The following NLRP9 variants were observed in gnomAD, a reference collection of about 807,000 sequenced individuals.
NLRP9 encodes NACHT, LRR and PYD domains-containing protein 9.
Under a neutral mutation model 83.1 loss-of-function variants are expected in NLRP9, and 88 were observed. The observed-to-expected ratio is 1.06, with a 90% CI of 0.89 to 1.26. NLRP9 has a LOEUF of 1.26. Ranked by LOEUF, NLRP9 falls within the 50% of genes most tolerant of loss-of-function variation. The pLI, the probability that NLRP9 is intolerant of heterozygous loss-of-function variation, is 0.00. For synonymous variants in NLRP9, 521 were observed against 447.6 expected (o/e 1.16, Z -2.07); for missense variants, 1,308 against 1,179.3 (o/e 1.11, Z -1.60).
At chr19:55,720,601 A>G (rs1988194375) in intron 4 of NLRP9, among the ~76,000 whole-genome samples, 2 of 152,330 alleles carry the variant, frequency 1.3e-5, no homozygotes, top group South Asian at 4.1e-4. Flanking sequence ...AACTGCTGGG[A>G]TCACAGGCAT....
intron 6 of NLRP9, among the ~76,000 whole-genome samples, chr19:55,713,425 C>A (rs1166876634): frequency 6.6e-6 from 1 of 151,774 alleles, no homozygotes; most frequent in Non-Finnish European, 1.5e-5. Flanking sequence ...TCTACCCACA[C>A]TCACACATAT....
chr19:55,736,782 C>T (rs543856530), intron 1 of NLRP9, among the ~76,000 whole-genome samples: 8 of 151,206 alleles, frequency 5.3e-5, no homozygotes, highest in Non-Finnish European at 8.9e-5. Context: ...TGCAGTGAAC[C>T]GAGATCATGT....
At chr19:55,713,164 C>T (rs542857191) in intron 6 of NLRP9, among the ~76,000 whole-genome samples, 3 of 151,350 alleles carry the variant, frequency 2.0e-5, no homozygotes, top group South Asian at 2.1e-4. Context: ...CTCCTCCCCA[C>T]CTTCAAATCC....
At chr19:55,710,797 C>A (rs937210489) in intron 8 of NLRP9, among the ~76,000 whole-genome samples, 2 of 152,100 alleles carry the variant, frequency 1.3e-5, no homozygotes, top group African/African-American at 4.8e-5. Flanking sequence ...TATAAGTTAC[C>A]AGTCTCTGCC....
rs779174353 is a variant in NLRP9 at position 55,732,583 on chromosome 19, C to A, written c.1248G>T (p.Arg416=). ...YTFVFSHGDL[R]RNGLSESEGV... Reference sequence around the variant, plus strand: ...CCTCAGACTCAGATAACCCATTCCTCCGGAGATCCCCATGGGAAAATACAA... The same window carrying A: ...CCTCAGACTCAGATAACCCATTCCTACGGAGATCCCCATGGGAAAATACAA... Residue 416 remains arginine (R), a synonymous_variant, in exon 2 of 9, where the codon CGG becomes CGT. Transcript: ENST00000332836. 4.3e-6 allele frequency: 7 copies of A among 1,614,204 alleles called. No homozygotes were observed. The highest frequency in any genetic ancestry group is 5.9e-6 in the Non-Finnish European group (7 of 1,180,030).
Position 55,738,143 on chromosome 19 carries a change from G to A in NLRP9, c.232C>T (p.Gln78Ter). The A allele has an allele frequency of 6.2e-7, 1 of 1,614,112 alleles. No individual in the cohort carries two copies. Among genetic ancestry groups the A allele is most frequent in the Non-Finnish European group, 8.5e-7 (1 of 1,179,988 alleles). Reference protein sequence around the residue: ...AWEVTLNLFLQINRKDLWTKA... With the variant: ...AWEVTLNLFL ...GTCCAGAGATCTTTCCTATTGATCT[G>A]TAGAAACAGGTTCAGTGTTACCTCC... is the stretch of plus-strand genomic sequence containing the variant. The change falls in exon 1 of 9, where the codon CAG becomes TAG. Residue 78 changes from glutamine (Q) to a stop codon, truncating the protein, a stop_gained. Transcript: ENST00000332836. LOFTEE classifies it high-confidence loss of function.
chr19:55,717,102 C>T (rs1178253861), intron 4 of NLRP9, among the ~76,000 whole-genome samples: 2 of 148,358 alleles, frequency 1.3e-5, no homozygotes, highest in South Asian at 2.1e-4. Context: ...GGTGCGATCT[C>T]GGCTCACCGC....
intron 6 of NLRP9, among the ~76,000 whole-genome samples, chr19:55,713,060 T>C (rs1189586135): frequency 6.8e-6 from 1 of 147,792 alleles, no homozygotes; most frequent in Non-Finnish European, 1.5e-5. Flanking sequence ...GTCCCTGCAC[T>C]TCTTCTCTCC....
intron 7 of NLRP9, 145 bp downstream of exon 7, chr19:55,712,275 A>G: frequency 1.4e-6 from 1 of 728,264 alleles, no homozygotes; most frequent in African/African-American, 1.8e-5. Flanking sequence ...AGACTGAGCA[A>G]ACCCTGGGGC....
At chr19:55,733,919 A>AATTTTTTTTTTTTTTTTTT (rs1555796186) in intron 1 of NLRP9, among the ~76,000 whole-genome samples, 19 of 117,872 alleles carry the variant, frequency 1.6e-4, no homozygotes, top group African/African-American at 6.8e-4. Context: ...TGTCAACCAA[A>AATTTTTTTTTTTTTTTTTT]TTTTTTTTTT....
chr19:55,713,515 G>C (rs1204750239), intron 6 of NLRP9, among the ~76,000 whole-genome samples: 1 of 150,320 alleles, frequency 6.7e-6, no homozygotes, highest in Admixed American at 6.6e-5. Context: ...GAGGACACTG[G>C]TAGTGTCTGG....
At chr19:55,728,896 T>G (rs1988478422) in intron 3 of NLRP9, among the ~76,000 whole-genome samples, 1 of 152,078 alleles carries the variant, frequency 6.6e-6, no homozygotes, top group Admixed American at 6.6e-5. Flanking sequence ...AAGTAAAATA[T>G]CAGGGAACAA....
chr19:55,715,130 T>C lies in NLRP9; in HGVS notation c.2426A>G (p.Asn809Ser), dbSNP rs758370747. The change falls in exon 6 of 9, where the codon AAT becomes AGT. Residue 809 changes from asparagine (N) to serine (S), a missense_variant. Asn to Ser is a conservative substitution (Grantham distance 46). Coordinates refer to ENST00000332836, the MANE Select transcript of NLRP9 (RefSeq NM_176820.4). ...KSLSLLDLGS[N>S]ALEDNGVASL... Reference sequence around the variant, plus strand: ...TGCCACTCCATTATCTTCCAGGGCATTTGAGCCCAGATCGAGGAGGGACAG... The same window carrying C: ...TGCCACTCCATTATCTTCCAGGGCACTTGAGCCCAGATCGAGGAGGGACAG... 15 of 1,613,114 alleles carry C rather than the reference T, an allele frequency of 9.3e-6. No individual in the cohort carries two copies. The highest frequency in any genetic ancestry group is 5.0e-5 in the Admixed American group (3 of 59,978).
chr19:55,731,986 TAGAC>T lies in NLRP9; in HGVS notation c.1832+9_1832+12del, dbSNP rs746730115. The T allele has an allele frequency of 8.0e-6, 12 of 1,503,462 alleles. No individual in the cohort carries two copies. Among genetic ancestry groups the T allele is most frequent in the African/African-American group, 4.2e-5 (3 of 71,662 alleles). 93.1% of individuals were successfully genotyped at this position (1,503,462 alleles called of 1,614,324 possible). A position where few individuals can be genotyped will look rare whatever the true frequency, so the allele number is the denominator to read the frequency against. On this transcript the variant is annotated intron_variant, in intron 2 of 8. Transcript: ENST00000332836. ...TGTAGTGTGTGGGACGGGGGATTAA[TAGAC>T]AGACTCACTCTGAGATGCATCCTGA...
intron 3 of NLRP9, among the ~76,000 whole-genome samples, chr19:55,728,410 A>G (rs1296037011): frequency 6.6e-6 from 1 of 152,126 alleles, no homozygotes; most frequent in Non-Finnish European, 1.5e-5. Flanking sequence ...CCCCGTCTCT[A>G]CTAATACAAA....
rs1568589522 is a variant in NLRP9 at position 55,709,056 on chromosome 19, G to A, written c.2844-12C>T. On this transcript the variant is annotated splice_polypyrimidine_tract_variant and intron_variant, in intron 8 of 8. Coordinates refer to ENST00000332836, the MANE Select transcript of NLRP9 (RefSeq NM_176820.4). Reference sequence around the variant, plus strand: ...CAGATTTGTGCAGCCTGGGAAAATAGAAATAAAGTTTTTTTTTTTGTTTTT... The same window carrying A: ...CAGATTTGTGCAGCCTGGGAAAATAAAAATAAAGTTTTTTTTTTTGTTTTT... 2 of 1,549,632 alleles carry A rather than the reference G, an allele frequency of 1.3e-6. No homozygotes were observed. Among genetic ancestry groups the A allele is most frequent in the Admixed American group, 2.3e-5 (1 of 42,796 alleles).
chr19:55,730,810 C>T (rs150680304), intron 2 of NLRP9, among the ~76,000 whole-genome samples: 5 of 151,864 alleles, frequency 3.3e-5, no homozygotes, highest in Non-Finnish European at 5.9e-5. Context: ...TAGTGGATAT[C>T]GGGCTTGATA....
chr19:55,725,173 G>C (rs1052279948), intron 3 of NLRP9, among the ~76,000 whole-genome samples: 9 of 152,108 alleles, frequency 5.9e-5, no homozygotes, highest in African/African-American at 2.2e-4. Context: ...AACCAAATAC[G>C]TAACTACAAA....
chr19:55,719,960 C>T (rs1475295970), intron 4 of NLRP9, among the ~76,000 whole-genome samples: 2 of 151,984 alleles, frequency 1.3e-5, no homozygotes, highest in East Asian at 3.9e-4. Context: ...AGCATGGCAG[C>T]CTGAATGGGA....
Sources: allele counts gnomAD v4.1 joint callset (sites outside exome capture counted in the v4.1 genomes callset), GRCh38; gene constraint gnomAD v4.1.1; transcripts MANE v1.5; gene names NCBI Gene and HGNC (gene_info 2026-07-23, HGNC 2026-07-21).